The following NXN variants were observed in gnomAD, a reference collection of about 807,000 sequenced individuals.
The protein encoded by NXN is nucleoredoxin.
A neutral mutation model predicts 48.6 loss-of-function variants in NXN; 16 were observed. That is an observed-to-expected ratio of 0.33 (90% CI 0.22 to 0.50). The LOEUF (loss-of-function observed/expected upper bound fraction) is 0.50. Ranked by LOEUF, NXN falls within the 20% of genes least tolerant of loss-of-function variation. NXN has a pLI of 0.98. For missense variants in NXN, 492 were observed against 605.5 expected, an observed-to-expected ratio of 0.81 and a Z score of 1.97; for synonymous variants, 281 against 269.6, an observed-to-expected ratio of 1.04 and a Z score of -0.41.
In NXN at chr17:868,630, A is replaced by T. The variant is rs546885091; in HGVS notation, c.361-42552T>A. 1.2e-4 allele frequency among the ~76,000 whole-genome samples: 19 copies of T among 152,162 alleles called. No individual in the cohort carries two copies. The East Asian group carries it at 1.4e-3, about 11-fold the overall frequency. On this transcript the variant is annotated intron_variant, in intron 1 of 7. Transcript: ENST00000336868. ...CCTCAGCCTCCCGAGTAGCTGGGAC[A>T]ACAGGCGCCCACCACCACGCCCGGA...
intron 5 of NXN, among the ~76,000 whole-genome samples, chr17:812,749 AGAGT>A (rs1912177408): frequency 8.1e-5 from 9 of 111,358 alleles, no homozygotes; most frequent in African/African-American, 3.4e-4. Flanking sequence ...TGCGTGAGTG[AGAGT>A]GTGCATATGT....
intron 1 of NXN, among the ~76,000 whole-genome samples, chr17:891,832 T>G (rs1270455325): frequency 3.7e-5 from 1 of 26,908 alleles, no homozygotes; most frequent in Non-Finnish European, 8.5e-5. Context: ...AACAAGGAAC[T>G]AAGGTAACCC....
intron 1 of NXN, among the ~76,000 whole-genome samples, chr17:879,032 G>T (rs1220082416): frequency 6.6e-6 from 1 of 151,952 alleles, no homozygotes; most frequent in East Asian, 2.0e-4. Context: ...AGGTGTGGTG[G>T]CAGGCGCCTC....
rs2068718920 is a variant in NXN, at chr17:919,063, G to A, written c.360+60256C>T. 1.3e-5 allele frequency among the ~76,000 whole-genome samples: 2 copies of A among 149,066 alleles called. No homozygotes were observed. Among genetic ancestry groups the A allele is most frequent in the Non-Finnish European group, 3.0e-5 (2 of 67,646 alleles). On this transcript the variant is annotated intron_variant, in intron 1 of 7. Coordinates refer to ENST00000336868, the MANE Select transcript of NXN (RefSeq NM_022463.5). The surrounding 1 kb of genome is among the most constrained non-coding windows in gnomAD (Gnocchi z 5.1). ...CTGGGCAACAGAGTAAGACCCTATT[G>A]CTTTAAAAAAAAAAAATGTTTCAGC...
chr17:910,088 C>T (rs989472965), intron 1 of NXN, among the ~76,000 whole-genome samples: 8 of 152,284 alleles, frequency 5.3e-5, no homozygotes, highest in African/African-American at 1.9e-4. Context: ...CAACATCCTA[C>T]ACCTCCTAAA....
At chr17:816,198 A>C (rs1912462260) in intron 5 of NXN, among the ~76,000 whole-genome samples, 2 of 152,174 alleles carry the variant, frequency 1.3e-5, no homozygotes, top group Admixed American at 1.3e-4. Context: ...GTCCAGTTAC[A>C]ATCAGGCAGT....
At chr17:946,141 CT>C (rs1357874261) in intron 1 of NXN, among the ~76,000 whole-genome samples, 93 of 147,968 alleles carry the variant, frequency 6.3e-4, no homozygotes, top group African/African-American at 5.9e-4. Context: ...AAGACTATCT[CT>C]TTTTTTTTTT....
At position 825,963 on chromosome 17, in the gene NXN, T is replaced by C. The variant is rs752205016; in HGVS notation, c.476A>G (p.Glu159Gly). The C allele has an allele frequency of 7.5e-6, 12 of 1,604,880 alleles. No individual in the cohort carries two copies. Among genetic ancestry groups the C allele is most frequent in the Non-Finnish European group, 1.0e-5 (12 of 1,173,262 alleles). ...ATATGCACGGGCTGAGGTTTTACCT[T>C]CTGGGTCATCTCGGATCACCAGCAG... ...NGLLVIRDDP[E>G]GLEFPWGPKP... The change falls in exon 2 of 8, where the codon GAA (glutamate) becomes GGA (glycine). Residue 159 changes from glutamate to glycine, a missense_variant and splice_region_variant. By Grantham distance (98) the Glu-to-Gly change is moderately conservative (BLOSUM62 -2). This residue lies in a region of NXN where 303 missense variants were observed against 388.3 expected (regional missense o/e 0.78). Transcript: ENST00000336868. The surrounding 1 kb of genome is among the most constrained non-coding windows in gnomAD (Gnocchi z 4.1).
intron 1 of NXN, among the ~76,000 whole-genome samples, chr17:833,256 A>G (rs1442204238): frequency 6.6e-6 from 1 of 152,142 alleles, no homozygotes; most frequent in Admixed American, 6.6e-5. Flanking sequence ...CATGTCATTC[A>G]TTAGGGAGCT....
At chr17:864,856 C>A (rs889305920) in intron 1 of NXN, among the ~76,000 whole-genome samples, 1 of 152,184 alleles carries the variant, frequency 6.6e-6, no homozygotes, top group African/African-American at 2.4e-5. Flanking sequence ...CAGTCTGCTG[C>A]CCAAGGAAGG....
At chr17:948,651 G>C (rs1006974904) in intron 1 of NXN, among the ~76,000 whole-genome samples, 45 of 152,108 alleles carry the variant, frequency 3.0e-4, no homozygotes, top group African/African-American at 1.0e-3. Context: ...GTGCTTCACG[G>C]AACAAACGCT....
intron 1 of NXN, among the ~76,000 whole-genome samples, chr17:840,342 TC>T (rs1597650946): frequency 2.0e-5 from 3 of 150,448 alleles, no homozygotes; most frequent in East Asian, 4.3e-4. Context: ...TGCAGAGACT[TC>T]TTTTTTTTTT....
chr17:904,489 G>A (rs747316338), intron 1 of NXN, among the ~76,000 whole-genome samples: 1 of 152,138 alleles, frequency 6.6e-6, no homozygotes, highest in Non-Finnish European at 1.5e-5. Context: ...CCTCCACTTT[G>A]ACCCAACACA....
chr17:835,080 G>T (rs185264746), intron 1 of NXN, among the ~76,000 whole-genome samples: 5 of 151,352 alleles, frequency 3.3e-5, no homozygotes, highest in Non-Finnish European at 5.9e-5. Flanking sequence ...AGGCCGAGGC[G>T]GGCGGATCAC....
At chr17:942,633 G>A (rs1485276912) in intron 1 of NXN, among the ~76,000 whole-genome samples, 1 of 93,022 alleles carries the variant, frequency 1.1e-5, no homozygotes, top group Admixed American at 1.3e-4. Flanking sequence ...ATTCCAGGGT[G>A]CAGCCATGAA....
chr17:927,761 G>C (rs1261677464), intron 1 of NXN, among the ~76,000 whole-genome samples: 2 of 152,010 alleles, frequency 1.3e-5, no homozygotes, highest in Non-Finnish European at 2.9e-5. Flanking sequence ...GGCTCTCAGA[G>C]GCAGAGAACA....
At chr17:886,091 G>A (rs938803588) in intron 1 of NXN, among the ~76,000 whole-genome samples, 5 of 152,012 alleles carry the variant, frequency 3.3e-5, no homozygotes, top group Non-Finnish European at 7.4e-5. Context: ...AGAGGCTGGG[G>A]CCAGGTGGAG....
chr17:843,841 C>G (rs1004189256), intron 1 of NXN, among the ~76,000 whole-genome samples: 1 of 152,156 alleles, frequency 6.6e-6, no homozygotes, highest in African/African-American at 2.4e-5. Flanking sequence ...GGGTTCGACC[C>G]AGAATGTTAA....
intron 1 of NXN, among the ~76,000 whole-genome samples, chr17:940,144 C>T (rs2068955041): frequency 6.6e-6 from 1 of 150,972 alleles, no homozygotes; most frequent in South Asian, 2.1e-4. Flanking sequence ...GGGGGGGTCT[C>T]AGTATGTTCC....
Sources: allele counts gnomAD v4.1 joint callset (sites outside exome capture counted in the v4.1 genomes callset), GRCh38; gene constraint gnomAD v4.1.1; regional missense constraint gnomAD v4.1.1; non-coding constraint Gnocchi (gnomAD v3.1); transcripts MANE v1.5; gene names NCBI Gene and HGNC (gene_info 2026-07-23, HGNC 2026-07-21).